Variants in PHIP observed in about 807,000 individuals in gnomAD.
The protein encoded by PHIP is PHIP subunit of CUL4-Ring ligase complex.
PHIP carries 54 observed loss-of-function variants against 236.8 expected under a neutral mutation model. That is an observed-to-expected ratio of 0.23 (90% confidence interval 0.18 to 0.29). The LOEUF (loss-of-function observed/expected upper bound fraction) is 0.29, where lower values mean the gene tolerates loss of function less well. Ranked by LOEUF, PHIP falls within the 10% of genes least tolerant of loss-of-function variation. The pLI is 1.00. For missense variants in PHIP, 1,370 were observed against 2,190.8 expected (o/e 0.63, Z 7.48); for synonymous variants, 756 against 718.9 (o/e 1.05, Z -0.83).
intron 7 of PHIP, among the ~76,000 whole-genome samples, chr6:79,041,013 A>C (rs1259674399): frequency 6.6e-6 from 1 of 152,156 alleles, no homozygotes; most frequent in Non-Finnish European, 1.5e-5. Context: ...CTTGTTCTCT[A>C]AATCACATGC....
rs143400845 is a variant in PHIP at position 79,060,842 on chromosome 6, G to T, written c.190-24C>A. 116 of 1,447,266 alleles carry T rather than the reference G, an allele frequency of 8.0e-5. No individual in the cohort carries two copies. The African/African-American group carries it at 1.4e-3, about 17-fold the overall frequency. The allele number at this position is 1,447,266 out of a possible 1,614,324, so 89.7% of individuals were successfully genotyped here. On this transcript the variant is annotated intron_variant, in intron 4 of 39. Coordinates refer to ENST00000275034, the MANE Select transcript of PHIP (RefSeq NM_017934.7). Reference sequence around the variant, plus strand: ...ACCTATTATGTAAAAGACAAATATAGTAGGTTTCAGTTTATCATTTTAATT... The same window carrying T: ...ACCTATTATGTAAAAGACAAATATATTAGGTTTCAGTTTATCATTTTAATT...
At chr6:78,984,793 T>A (rs1270545216) in intron 22 of PHIP, among the ~76,000 whole-genome samples, 11 of 152,146 alleles carry the variant, frequency 7.2e-5, no homozygotes, top group Non-Finnish European at 1.6e-4. Context: ...GGGGGATAAG[T>A]GTAGCAGCTA....
intron 15 of PHIP, among the ~76,000 whole-genome samples, chr6:79,006,962 A>C (rs1286914388): frequency 2.9e-4 from 44 of 152,056 alleles, no homozygotes; most frequent in Admixed American, 2.9e-3. Flanking sequence ...AAGTATATTC[A>C]GCAATTATTG....
chr6:79,032,898 C>T (rs2127753111), intron 7 of PHIP, among the ~76,000 whole-genome samples: 1 of 152,086 alleles, frequency 6.6e-6, no homozygotes, highest in East Asian at 1.9e-4. Context: ...AAATGTATTT[C>T]TTAAATAAGA....
At position 78,970,178 on chromosome 6, in the gene PHIP, G is replaced by A. The variant is rs1267543419; in HGVS notation, c.2998-5C>T. On this transcript the variant is annotated splice_polypyrimidine_tract_variant and splice_region_variant and intron_variant, in intron 25 of 39. Transcript: ENST00000275034. Reference sequence around the variant, plus strand: ...TATTTTCATAAGTTCTTGTTCCTGAGAGAGACAGAGAATATAAGGAACCAT... The same window carrying A: ...TATTTTCATAAGTTCTTGTTCCTGAAAGAGACAGAGAATATAAGGAACCAT... 4 of 1,608,396 alleles carry A rather than the reference G, an allele frequency of 2.5e-6. No individual in the cohort carries two copies. The highest frequency in any genetic ancestry group is 1.1e-5 in the South Asian group (1 of 90,728).
intron 6 of PHIP, among the ~76,000 whole-genome samples, chr6:79,052,674 T>A (rs1291136980): frequency 1.3e-5 from 2 of 152,058 alleles, no homozygotes; most frequent in Non-Finnish European, 2.9e-5. Flanking sequence ...TTAGAAAAAA[T>A]TTAATCAGCT....
chr6:78,944,525 T>C (rs1773696385), intron 39 of PHIP, among the ~76,000 whole-genome samples: 1 of 152,032 alleles, frequency 6.6e-6, no homozygotes, highest in Non-Finnish European at 1.5e-5. Context: ...AGAATAGATT[T>C]AAGAGATGTT....
chr6:79,062,005 T>C (rs1019804854), intron 4 of PHIP, among the ~76,000 whole-genome samples: 3 of 152,150 alleles, frequency 2.0e-5, no homozygotes, highest in African/African-American at 4.8e-5. Flanking sequence ...ATACACTCCT[T>C]CTTTCACAAA....
chr6:79,009,921 T>A (rs898125941), intron 15 of PHIP, among the ~76,000 whole-genome samples: 2 of 151,966 alleles, frequency 1.3e-5, no homozygotes, highest in African/African-American at 4.8e-5. Context: ...AAGTGATAAT[T>A]ACTAAAGTGT....
chr6:79,077,198 C>A (rs2127784143), intron 4 of PHIP, among the ~76,000 whole-genome samples: 1 of 152,086 alleles, frequency 6.6e-6, no homozygotes, highest in Non-Finnish European at 1.5e-5. Context: ...ACACTCATGA[C>A]GTATCTTTAT....
chr6:79,066,371 A>G (rs1450412725), intron 4 of PHIP, among the ~76,000 whole-genome samples: 1 of 152,192 alleles, frequency 6.6e-6, no homozygotes, highest in Non-Finnish European at 1.5e-5. Flanking sequence ...CATTATTCCC[A>G]TTCTATAAAA....
At chr6:79,009,783 T>C (rs568272233) in intron 15 of PHIP, among the ~76,000 whole-genome samples, 32 of 152,190 alleles carry the variant, frequency 2.1e-4, no homozygotes, top group African/African-American at 7.2e-4. Flanking sequence ...AAAAGTAATT[T>C]ACCACATATA....
chr6:78,996,306 G>A (rs887822051), intron 19 of PHIP, among the ~76,000 whole-genome samples: 1 of 152,136 alleles, frequency 6.6e-6, no homozygotes, highest in Non-Finnish European at 1.5e-5. Context: ...TGTGTCTGGT[G>A]AATATTACTT....
chr6:78,980,989 G>C (rs1768487757), intron 23 of PHIP, among the ~76,000 whole-genome samples: 1 of 151,956 alleles, frequency 6.6e-6, no homozygotes, highest in Non-Finnish European at 1.5e-5. Flanking sequence ...TCATATGTAT[G>C]ACTGAAAGAC....
At chr6:79,050,851 GA>G (rs1772757266) in intron 6 of PHIP, among the ~76,000 whole-genome samples, 1 of 152,150 alleles carries the variant, frequency 6.6e-6, no homozygotes, top group Admixed American at 6.5e-5. Flanking sequence ...TTGCGTATTT[GA>G]AAATGGACTG....
In PHIP at chr6:78,973,708, A is replaced by G. The variant is rs111830902; in HGVS notation, c.2890-2820T>C. On this transcript the variant is annotated intron_variant, in intron 24 of 39. Coordinates refer to ENST00000275034, the MANE Select transcript of PHIP (RefSeq NM_017934.7). ...ATGTACCAAGCAAATGGAAAACAAA[A>G]AAAGACAGGGGTTGCAATCCTAGTC... Among the ~76,000 whole-genome samples the G allele has an allele frequency of 2.0e-5, 3 of 151,852 alleles. No homozygotes were observed. The South Asian group carries it at 6.3e-4, about 32-fold the overall frequency.
chr6:78,938,589 G>A lies in PHIP; in HGVS notation c.*2104C>T, dbSNP rs768031530. On this transcript the variant is annotated 3_prime_UTR_variant, in exon 40 of 40. Transcript: ENST00000275034. The stretch of plus-strand genomic sequence containing the variant: ...AACATACACTATTATTTTCAAGAAT[G>A]GTGTAACTGAAAGACTCATTTTTCT... 6.6e-6 allele frequency: 1 copy of A among 151,490 alleles called. No individual in the cohort carries two copies. Among genetic ancestry groups the A allele is most frequent in the Admixed American group, 6.6e-5 (1 of 15,244 alleles). 9.4% of individuals were successfully genotyped at this position (151,490 alleles called of 1,614,324 possible).
intron 4 of PHIP, 129 bp from the exon 5 acceptor site, chr6:79,060,947 C>G (rs1233782227): frequency 5.3e-6 from 3 of 568,188 alleles, no homozygotes; most frequent in Non-Finnish European, 9.0e-6. Context: ...TAAAGTAAAT[C>G]TCCAGAATAA....
At chr6:78,960,762 G>A (rs1766718907) in intron 31 of PHIP, among the ~76,000 whole-genome samples, 1 of 151,952 alleles carries the variant, frequency 6.6e-6, no homozygotes, top group East Asian at 1.9e-4. Context: ...GGCTGCTACT[G>A]GCATCTAGTG....
Sources: allele counts gnomAD v4.1 joint callset (sites outside exome capture counted in the v4.1 genomes callset), GRCh38; gene constraint gnomAD v4.1.1; transcripts MANE v1.5; gene names NCBI Gene and HGNC (gene_info 2026-07-23, HGNC 2026-07-21).